Variants in PCDH17 observed in about 807,000 individuals in gnomAD.
PCDH17 encodes protocadherin-17.
PCDH17 carries 21 observed loss-of-function variants against 67.7 expected under a neutral mutation model. That is an observed-to-expected ratio of 0.31 (90% CI 0.22 to 0.45). PCDH17 has a LOEUF of 0.45. Among genes scored for constraint, PCDH17 ranks in the 20% least tolerant of loss-of-function variants. The probability of loss-of-function intolerance (pLI) is 1.00; values close to 1 mark genes in which losing one functional copy is unlikely to be tolerated. For synonymous variants in PCDH17, 701 were observed against 656.7 expected, an observed-to-expected ratio of 1.07 and a Z score of -1.03; for missense variants, 1,471 against 1,564.8, an observed-to-expected ratio of 0.94 and a Z score of 1.01.
intron 3 of PCDH17, among the ~76,000 whole-genome samples, chr13:57,667,145 A>G (rs1372016845): frequency 2.0e-5 from 3 of 152,184 alleles, no homozygotes; most frequent in African/African-American, 4.8e-5. Context: ...AAAATATGGC[A>G]TATATTAGCT....
chr13:57,668,862 T>C (rs943265499), intron 3 of PCDH17, among the ~76,000 whole-genome samples: 1 of 152,108 alleles, frequency 6.6e-6, no homozygotes, highest in Non-Finnish European at 1.5e-5. Flanking sequence ...TTTATTATAC[T>C]TTAAGTTCTA....
At position 57,633,155 on chromosome 13, in the gene PCDH17, C is replaced by G. The variant is rs1954753638; in HGVS notation, c.609C>G (p.Arg203=). ...TGGTCATCCAGAAGGCTCTGGACCG[C>G]GAGCAACAGAATCACCATACGCTCG... ...PELVIQKALD[R]EQQNHHTLVL... The change falls in exon 1 of 4, where the codon CGC becomes CGG. Residue 203 remains arginine, a synonymous_variant. Transcript: ENST00000377918. This position sits in a 1 kb window ranked among gnomAD's most constrained non-coding sequence, Gnocchi z 6.2. 2.5e-6 allele frequency: 4 copies of G among 1,613,410 alleles called. No individual in the cohort carries two copies. The highest frequency in any genetic ancestry group is 1.3e-5 in the African/African-American group (1 of 75,008).
At chr13:57,709,057 C>T (rs962566742) in intron 3 of PCDH17, among the ~76,000 whole-genome samples, 1 of 150,996 alleles carries the variant, frequency 6.6e-6, no homozygotes, top group Non-Finnish European at 1.5e-5. Context: ...ATACATGTTT[C>T]ATGTTAGGTA....
intron 3 of PCDH17, among the ~76,000 whole-genome samples, chr13:57,672,318 T>C (rs1955332613): frequency 6.6e-6 from 1 of 152,016 alleles, no homozygotes; most frequent in Non-Finnish European, 1.5e-5. Flanking sequence ...TTAATCAAAA[T>C]AGGCTTAGGC....
chr13:57,646,461 A>C (rs2807636), intron 1 of PCDH17, among the ~76,000 whole-genome samples: 36,205 of 151,498 alleles, frequency 0.24, 5,853 homozygotes, highest in African/African-American at 0.47. Flanking sequence ...TGTATTATTT[A>C]GTACTTTTAA....
chr13:57,699,973 T>C (rs1403947856), intron 3 of PCDH17, among the ~76,000 whole-genome samples: 3 of 152,138 alleles, frequency 2.0e-5, no homozygotes, highest in Non-Finnish European at 2.9e-5. Flanking sequence ...GGATATCTTA[T>C]GTCATGGTTT....
intron 3 of PCDH17, among the ~76,000 whole-genome samples, chr13:57,705,863 A>G (rs1275470581): frequency 6.6e-6 from 1 of 152,002 alleles, no homozygotes; most frequent in Non-Finnish European, 1.5e-5. Context: ...TAAAAATACA[A>G]AATTAGCTGG....
At chr13:57,642,257 AC>A (rs1954915586) in intron 1 of PCDH17, among the ~76,000 whole-genome samples, 1 of 151,722 alleles carries the variant, frequency 6.6e-6, no homozygotes, top group Admixed American at 6.6e-5. Flanking sequence ...TATTTAAAGG[AC>A]CATTTCTTGT....
chr13:57,674,744 A>G (rs1955369783), intron 3 of PCDH17, among the ~76,000 whole-genome samples: 1 of 151,946 alleles, frequency 6.6e-6, no homozygotes, highest in Non-Finnish European at 1.5e-5. Flanking sequence ...TTAGTTAAGA[A>G]CTTAAGGAAA....
rs529196875 is a variant in PCDH17 at position 57,724,622 on chromosome 13, G to A, written c.2808G>A (p.Glu936=). 60 of 1,609,714 alleles carry A rather than the reference G, an allele frequency of 3.7e-5. No homozygotes were observed. In the South Asian group the frequency reaches 6.5e-4, roughly 17 times the overall value. Residue 936 remains glutamate, a synonymous_variant, in exon 4 of 4, where the codon GAG becomes GAA. Coordinates refer to ENST00000377918, the MANE Select transcript of PCDH17 (RefSeq NM_001040429.3). ...TCTTTTGTTTTGCAGAACCAGAAGAGTGTGTTAATTGCACAGATGAATGCC... is the reference window on the plus strand; with the variant it reads ...TCTTTTGTTTTGCAGAACCAGAAGAATGTGTTAATTGCACAGATGAATGCC... ...KSQPLEQEPE[E]CVNCTDECRV...
At chr13:57,661,219 A>G (rs1406095050) in intron 1 of PCDH17, among the ~76,000 whole-genome samples, 1 of 152,096 alleles carries the variant, frequency 6.6e-6, no homozygotes, top group East Asian at 1.9e-4. Flanking sequence ...GTGTCATTTT[A>G]TTGTAATTGT....
At chr13:57,711,940 T>C (rs1955780597) in intron 3 of PCDH17, among the ~76,000 whole-genome samples, 1 of 151,524 alleles carries the variant, frequency 6.6e-6, no homozygotes, top group Non-Finnish European at 1.5e-5. Context: ...TTTGGGATTT[T>C]ATGCAAAATT....
chr13:57,667,086 T>C (rs17175882), intron 3 of PCDH17, among the ~76,000 whole-genome samples: 13,469 of 152,200 alleles, frequency 0.088, 831 homozygotes, highest in Admixed American at 0.14. Context: ...ATTGTTCTTA[T>C]TTCATAGACA....
intron 3 of PCDH17, among the ~76,000 whole-genome samples, chr13:57,717,954 A>G (rs935585345): frequency 6.6e-6 from 1 of 152,002 alleles, no homozygotes; most frequent in Non-Finnish European, 1.5e-5. Context: ...TTTCCTCATT[A>G]TATCACTGCC....
At chr13:57,682,551 A>G (rs571682203) in intron 3 of PCDH17, among the ~76,000 whole-genome samples, 18 of 151,928 alleles carry the variant, frequency 1.2e-4, no homozygotes, top group African/African-American at 4.3e-4. Context: ...CTCTACAACC[A>G]GCCATTGAGG....
At chr13:57,718,421 T>C (rs61961928) in intron 3 of PCDH17, among the ~76,000 whole-genome samples, 52 of 152,046 alleles carry the variant, frequency 3.4e-4, no homozygotes, top group Non-Finnish European at 5.3e-4. Flanking sequence ...TTTAGTCAGA[T>C]AGTGAGAACA....
intron 1 of PCDH17, among the ~76,000 whole-genome samples, chr13:57,635,962 C>T (rs1320211722): frequency 2.0e-5 from 3 of 152,130 alleles, no homozygotes; most frequent in African/African-American, 7.2e-5. Context: ...ACTGAAGGCA[C>T]TTGATGTGCC....
chr13:57,656,975 G>A (rs995516867), intron 1 of PCDH17, among the ~76,000 whole-genome samples: 3 of 152,056 alleles, frequency 2.0e-5, no homozygotes, highest in Admixed American at 1.3e-4. Flanking sequence ...TATTTTATGC[G>A]CTTTCATAGA....
At chr13:57,686,892 G>T (rs1262904632) in intron 3 of PCDH17, among the ~76,000 whole-genome samples, 2 of 151,974 alleles carry the variant, frequency 1.3e-5, no homozygotes, top group Non-Finnish European at 2.9e-5. Flanking sequence ...TTTCAGCCTA[G>T]AACGCACTGT....
Sources: allele counts gnomAD v4.1 joint callset (sites outside exome capture counted in the v4.1 genomes callset), GRCh38; gene constraint gnomAD v4.1.1; non-coding constraint Gnocchi (gnomAD v3.1); transcripts MANE v1.5; gene names NCBI Gene and HGNC (gene_info 2026-07-23, HGNC 2026-07-21).